Variants in ARID4A observed in about 807,000 individuals in gnomAD.
The protein encoded by ARID4A is AT-rich interactive domain-containing protein 4A.
A neutral mutation model predicts 148.6 loss-of-function variants in ARID4A; 39 were observed. The observed-to-expected ratio is 0.26, with a 90% CI of 0.20 to 0.34. ARID4A has a LOEUF of 0.34. Ranked by LOEUF, ARID4A falls within the 10% of genes least tolerant of loss-of-function variation. The pLI is 1.00. For missense variants in ARID4A, 1,265 were observed against 1,449.1 expected (o/e 0.87, Z 2.06); for synonymous variants, 475 against 481.2 (o/e 0.99, Z 0.17).
chr14:58,346,366 C>T, intron 12 of ARID4A, 45 bp from the exon 13 acceptor site: 2 of 1,375,266 alleles, frequency 1.5e-6, no homozygotes, highest in Non-Finnish European at 2.0e-6. Context: ...ATTAGTATTT[C>T]TCATTTGAAT....
chr14:58,320,761 C>T (rs749877652), intron 7 of ARID4A, among the ~76,000 whole-genome samples: 5 of 152,026 alleles, frequency 3.3e-5, no homozygotes, highest in East Asian at 1.9e-4. Flanking sequence ...TCGTCCACCA[C>T]GACGCCTGGC....
chr14:58,359,041 T>A, intron 17 of ARID4A, 91 bp from the exon 18 acceptor site: 3 of 1,338,860 alleles, frequency 2.2e-6, no homozygotes, highest in Non-Finnish European at 3.0e-6. Context: ...TTAATCTGTC[T>A]CACTGTTGTT....
chr14:58,316,081 G>A (rs1051932170), intron 5 of ARID4A, among the ~76,000 whole-genome samples: 1 of 152,152 alleles, frequency 6.6e-6, no homozygotes, highest in African/African-American at 2.4e-5. Flanking sequence ...GTAAGCGTAG[G>A]ATTTGAAGGC....
At chr14:58,358,611 T>TC (rs2034995411) in intron 17 of ARID4A, among the ~76,000 whole-genome samples, 2 of 152,010 alleles carry the variant, frequency 1.3e-5, no homozygotes, top group Admixed American at 1.3e-4. Context: ...AATTTCAGAA[T>TC]CCTAAAGGCA....
At chr14:58,347,241 A>G in intron 14 of ARID4A, 124 bp downstream of exon 14, 2 of 511,056 alleles carry the variant, frequency 3.9e-6, no homozygotes, top group Non-Finnish European at 3.2e-6. Context: ...AAAAAGGTTT[A>G]GGTTGACAGA....
rs757016644 is a variant in ARID4A at position 58,372,024 on chromosome 14, C to A, written c.*35C>A. 4 of 1,451,084 alleles carry A rather than the reference C, an allele frequency of 2.8e-6. No individual in the cohort carries two copies. Among genetic ancestry groups the A allele is most frequent in the Non-Finnish European group, 3.9e-6 (4 of 1,036,334 alleles). The allele number at this position is 1,451,084 out of a possible 1,614,324, so 89.9% of individuals were successfully genotyped here. Reference sequence around the variant, plus strand: ...TCTCTACCTTCCCAGCAGTTTGCTGCCATGGACATAAATCCCCAAACCCTG... The same window carrying A: ...TCTCTACCTTCCCAGCAGTTTGCTGACATGGACATAAATCCCCAAACCCTG... On this transcript the variant is annotated 3_prime_UTR_variant, in exon 24 of 24. Coordinates refer to ENST00000355431, the MANE Select transcript of ARID4A (RefSeq NM_002892.4).
At chr14:58,331,399 T>A (rs1224908135) in intron 11 of ARID4A, 3 of 152,210 alleles carry the variant, frequency 2.0e-5, no homozygotes, top group Non-Finnish European at 1.5e-5. Flanking sequence ...CTGCGGATGC[T>A]ATGCCCTAAG....
rs869137059 is a variant in ARID4A at position 58,345,719 on chromosome 14, CTTTTTTTTTTTT to C, written c.980-674_980-663del. On this transcript the variant is annotated intron_variant, in intron 12 of 23. Coordinates refer to ENST00000355431, the MANE Select transcript of ARID4A (RefSeq NM_002892.4). ...TCTGTTGTGTTTGTTTATGCCTAAA[CTTTTTTTTTTTT>C]TTTTTTTTTTTTTTTTTGTGACAGA... 5.3e-5 allele frequency among the ~76,000 whole-genome samples: 4 copies of C among 75,870 alleles called. No homozygotes were observed. In the Admixed American group the frequency reaches 7.2e-4, roughly 14 times the overall value. 49.8% of individuals were successfully genotyped at this position (75,870 alleles called of 152,430 possible). A position where few individuals can be genotyped will look rare whatever the true frequency, so the allele number is the denominator to read the frequency against.
intron 11 of ARID4A, among the ~76,000 whole-genome samples, chr14:58,338,486 C>T (rs1268231692): frequency 2.0e-5 from 3 of 152,120 alleles, no homozygotes; most frequent in Non-Finnish European, 4.4e-5. Context: ...CTTAACATCT[C>T]TCCTTCCATG....
intron 2 of ARID4A, among the ~76,000 whole-genome samples, chr14:58,300,542 T>C (rs899283912): frequency 1.1e-4 from 17 of 152,312 alleles, no homozygotes; most frequent in African/African-American, 4.1e-4. Context: ...GTAAATGCAC[T>C]TACTTTAAAA....
chr14:58,324,911 T>C (rs183463450), intron 8 of ARID4A, among the ~76,000 whole-genome samples: 1 of 152,296 alleles, frequency 6.6e-6, no homozygotes, highest in African/African-American at 2.4e-5. Context: ...TCAAGAAGCT[T>C]ACTGTAGACA....
In ARID4A at chr14:58,351,380, T is replaced by C. The variant is rs556454288; in HGVS notation, c.1655+57T>C. ...ACCTGTCTGGGGTACAACAGCGCTT[T>C]GTTCCTGCTTAGAGATTCAGGTTTG... is the stretch of plus-strand genomic sequence containing the variant. On this transcript the variant is annotated intron_variant, in intron 16 of 23. Transcript: ENST00000355431. The C allele has an allele frequency of 5.2e-6, 8 of 1,543,796 alleles. No individual in the cohort carries two copies. The East Asian group carries it at 1.6e-4, about 30-fold the overall frequency.
chr14:58,312,052 C>T (rs980637897), intron 5 of ARID4A, among the ~76,000 whole-genome samples: 1 of 152,030 alleles, frequency 6.6e-6, no homozygotes, highest in Non-Finnish European at 1.5e-5. Flanking sequence ...CAATGTATTG[C>T]ATACTTGAAA....
intron 7 of ARID4A, among the ~76,000 whole-genome samples, chr14:58,321,620 C>A (rs1398230612): frequency 6.6e-6 from 1 of 152,020 alleles, no homozygotes; most frequent in Non-Finnish European, 1.5e-5. Context: ...AAACCAAGAT[C>A]CTGGTATTAG....
chr14:58,310,559 A>C (rs771976300), intron 5 of ARID4A, among the ~76,000 whole-genome samples: 19 of 152,264 alleles, frequency 1.2e-4, no homozygotes, highest in Middle Eastern at 6.8e-3. Context: ...GGAAAACTGG[A>C]TATCTACATG....
chr14:58,346,331 T>G, intron 12 of ARID4A, 80 bp from the exon 13 acceptor site: 1 of 987,170 alleles, frequency 1.0e-6, no homozygotes, highest in South Asian at 1.5e-5. Flanking sequence ...TTGGGGAAAT[T>G]AGAAATTGAC....
In ARID4A at chr14:58,371,970, T is replaced by A; in HGVS notation, c.3755T>A (p.Leu1252His). ...TCATCATCTCCCCCACAAAATGTAC[T>A]TGCTGTAGAATGCAGGTGATAAACA... ...PSSSSPPQNV[L>H]AVECR The change falls in exon 24 of 24, where the codon CTT becomes CAT. Residue 1252 changes from leucine to histidine, a missense_variant. Physicochemically the swap from Leu to His is moderately conservative, Grantham distance 99 (BLOSUM62 -3). Coordinates refer to ENST00000355431, the MANE Select transcript of ARID4A (RefSeq NM_002892.4). 1.2e-6 allele frequency: 2 copies of A among 1,609,628 alleles called. No individual in the cohort carries two copies. Among genetic ancestry groups the A allele is most frequent in the Non-Finnish European group, 1.7e-6 (2 of 1,175,962 alleles).
chr14:58,334,070 C>T (rs1370446091), intron 11 of ARID4A, among the ~76,000 whole-genome samples: 2 of 152,134 alleles, frequency 1.3e-5, no homozygotes, highest in Non-Finnish European at 2.9e-5. Flanking sequence ...TCTTTCTTCA[C>T]AGTGTTAGTG....
chr14:58,369,563 C>T (rs1043454945), intron 23 of ARID4A, among the ~76,000 whole-genome samples: 2 of 143,416 alleles, frequency 1.4e-5, no homozygotes, highest in African/African-American at 5.2e-5. Context: ...AAGTGAGCAC[C>T]GAGATCGCGC....
Sources: allele counts gnomAD v4.1 joint callset (sites outside exome capture counted in the v4.1 genomes callset), GRCh38; gene constraint gnomAD v4.1.1; transcripts MANE v1.5; gene names NCBI Gene and HGNC (gene_info 2026-07-23, HGNC 2026-07-21).